Variants in ZNF185 observed in about 807,000 individuals in gnomAD.
ZNF185 encodes zinc finger protein 185 with LIM domain.
ZNF185 carries 56 observed loss-of-function variants against 58.6 expected under a neutral mutation model. That is an observed-to-expected ratio of 0.95 (90% CI 0.77 to 1.19). The LOEUF (loss-of-function observed/expected upper bound fraction) is 1.19, where lower values mean the gene tolerates loss of function less well. ZNF185 is among the 50% of genes most tolerant of loss of function. ZNF185 has a pLI of 0.00. For synonymous variants in ZNF185, 230 were observed against 215.9 expected (o/e 1.07, Z -0.57); for missense variants, 627 against 573.5 (o/e 1.09, Z -0.95).
At chrX:152,920,399 A>G (rs1316720439) in exon 8 of ZNF185, 1 of 1,209,590 alleles carries the variant, frequency 8.3e-7, no homozygotes, top group African/African-American at 1.7e-5. Flanking sequence ...TCAGCGGCCA[A>G]GAAGAGCACT....
chrX:152,966,261 C>T (rs1556914651), intron 19 of ZNF185, among the ~76,000 whole-genome samples: 1 of 111,366 alleles, frequency 9.0e-6, no homozygotes, highest in Admixed American at 9.5e-5. Flanking sequence ...CCTGCCTCGG[C>T]CTCCCCTTTT....
chrX:152,912,287 G>A (rs1294679550), upstream of ZNF185, among the ~76,000 whole-genome samples: 2 of 112,545 alleles, frequency 1.8e-5, no homozygotes, highest in Non-Finnish European at 3.8e-5. Context: ...TATAAAGACG[G>A]GACTGAAGGC....
the ZNF185 span, among the ~76,000 whole-genome samples, chrX:152,905,324 C>T: frequency 2.7e-5 from 3 of 111,986 alleles, no homozygotes. Flanking sequence ...GGAGAAGCCA[C>T]CTGCTGCCCC....
intron 15 of ZNF185, among the ~76,000 whole-genome samples, chrX:152,940,434 T>TGGGGGTGGGGGG (rs2047054108): frequency 2.1e-4 from 1 of 4,746 alleles, no homozygotes; most frequent in African/African-American, 7.8e-4. Context: ...GGGGTGGGGG[T>TGGGGGTGGGGGG]GGGGGTGGGG....
the ZNF185 span, among the ~76,000 whole-genome samples, chrX:152,898,184 C>T: frequency 9.1e-6 from 1 of 110,059 alleles, no homozygotes; most frequent in Non-Finnish European, 1.9e-5. Context: ...AGGGAGCCCG[C>T]GCCCTGCGAC....
At chrX:152,914,756 G>A (rs1322900844) in exon 2 of ZNF185, 40 of 1,194,154 alleles carry the variant, frequency 3.3e-5, no homozygotes, top group Non-Finnish European at 4.1e-5. Flanking sequence ...ACGTTCTCAA[G>A]CAGATGAAAG....
chrX:152,933,888 A>C (rs1556879574), intron 14 of ZNF185, among the ~76,000 whole-genome samples: 1 of 112,069 alleles, frequency 8.9e-6, no homozygotes, highest in Non-Finnish European at 1.9e-5. Flanking sequence ...TTTGCAATTC[A>C]TGCCATGGAA....
intron 17 of ZNF185, among the ~76,000 whole-genome samples, chrX:152,962,032 T>G (rs1556910661): frequency 8.9e-6 from 1 of 111,881 alleles, no homozygotes; most frequent in African/African-American, 3.2e-5. Flanking sequence ...GGAAAGCTTT[T>G]CTATCGAGGA....
In ZNF185 at chrX:152,967,345, C is replaced by T. The variant is rs2050219328; in HGVS notation, c.1871+107C>T. On this transcript the variant is annotated intron_variant, in intron 20 of 22. Coordinates refer to ENST00000449285, the Ensembl canonical transcript of ZNF185. ...CTTTTGTCTTCTGCTTTGCAGCCTC[C>T]AATCCATTTGCAGAAAGGTGAAGGA... The T allele has an allele frequency of 3.7e-6, 3 of 801,265 alleles. No homozygotes were observed. In the Admixed American group the frequency reaches 7.4e-5, roughly 20 times the overall value. The allele number at this position is 801,265 out of a possible 1,213,427, so 66.0% of individuals were successfully genotyped here. A position where few individuals can be genotyped will look rare whatever the true frequency, so the allele number is the denominator to read the frequency against.
At chrX:152,959,847 A>G in exon 17 of ZNF185, 3 of 1,211,654 alleles carry the variant, frequency 2.5e-6, no homozygotes, top group Non-Finnish European at 3.4e-6. Context: ...ACAGCAGAAC[A>G]GCCCCAGCGG....
At chrX:152,946,944 G>A (rs969805760) in intron 16 of ZNF185, among the ~76,000 whole-genome samples, 2 of 111,685 alleles carry the variant, frequency 1.8e-5, no homozygotes, top group Non-Finnish European at 3.8e-5. Context: ...AGCCAGACTC[G>A]AGTCCAAAGA....
chrX:152,937,934 A>T, intron 14 of ZNF185, 140 bp from the exon 17 acceptor site: 1 of 531,202 alleles, frequency 1.9e-6, no homozygotes, highest in South Asian at 3.1e-5. Context: ...GTGCCACACT[A>T]ATGCCAGGAC....
intron 4 of ZNF185, 54 bp from the exon 6 acceptor site, chrX:152,917,231 T>C: frequency 8.3e-7 from 1 of 1,210,854 alleles, no homozygotes; most frequent in South Asian, 1.8e-5. Flanking sequence ...CCTGACTTCT[T>C]ACCCCTCCAG....
Position 152,915,121 on chromosome X carries a change from A to T in ZNF185, c.159-17A>T. ...GGAGTCTCGGAGCCAATCCTTCAGG[A>T]TGCCTCTTTCCCCCAGAGAGCTGCC... On this transcript the variant is annotated splice_polypyrimidine_tract_variant and intron_variant, in intron 2 of 22. Transcript: ENST00000449285. 1.7e-6 allele frequency: 2 copies of T among 1,208,530 alleles called. No individual in the cohort carries two copies. Among genetic ancestry groups the T allele is most frequent in the Non-Finnish European group, 2.2e-6 (2 of 894,040 alleles).
intron 18 of ZNF185, 74 bp downstream of exon 20, chrX:152,964,023 TTGTTCCA>T (rs1252659255): frequency 4.1e-6 from 4 of 987,112 alleles, no homozygotes; most frequent in Non-Finnish European, 5.7e-6. Context: ...GACTTGGCTT[TTGTTCCA>T]TGTTGCTTCC....
Position 152,936,523 on chromosome X carries a change from G to A in ZNF185, c.1122-1551G>A, listed in dbSNP as rs142757688. ...GACCAGCAGCCATCAGGTAAGGTTA[G>A]GGCCACTGCCCTAGTGCCCTATCCC... On this transcript the variant is annotated intron_variant, in intron 14 of 22. Transcript: ENST00000449285. 9.4e-4 allele frequency: 1,092 copies of A among 1,156,069 alleles called. 5 individuals carry two copies. The East Asian group carries it at 0.017, about 18-fold the overall frequency.
intron 16 of ZNF185, among the ~76,000 whole-genome samples, chrX:152,953,031 A>G (rs990666590): frequency 1.2e-4 from 13 of 110,298 alleles, no homozygotes; most frequent in Non-Finnish European, 2.3e-4. Context: ...AGTTCTGCAC[A>G]CAGTCGTCAT....
chrX:152,941,651 G>C lies in ZNF185; in HGVS notation c.1211+3488G>C, dbSNP rs782091918. 70 of 1,152,371 alleles carry C rather than the reference G, an allele frequency of 6.1e-5. No individual in the cohort carries two copies. The South Asian group carries it at 1.3e-3, about 22-fold the overall frequency. 95.0% of individuals were successfully genotyped at this position (1,152,371 alleles called of 1,213,427 possible). On this transcript the variant is annotated intron_variant, in intron 15 of 22. Coordinates refer to ENST00000449285, the Ensembl canonical transcript of ZNF185. Reference sequence around the variant, plus strand: ...ACGCCTGCGTAGGCCGCCATTTCTTGAAGCCCCGAACTCGGTCGCAGTGCC... The same window carrying C: ...ACGCCTGCGTAGGCCGCCATTTCTTCAAGCCCCGAACTCGGTCGCAGTGCC...
exon 23 of ZNF185, chrX:152,972,901 A>G (rs2050732356): frequency 8.9e-6 from 1 of 111,928 alleles, no homozygotes; most frequent in East Asian, 2.8e-4. Context: ...TAAAATGTCT[A>G]CGTCTTTCTC....
Sources: allele counts gnomAD v4.1 joint callset (sites outside exome capture counted in the v4.1 genomes callset), GRCh38; gene constraint gnomAD v4.1.1; transcripts MANE v1.5; gene names NCBI Gene and HGNC (gene_info 2026-07-23, HGNC 2026-07-21).